Variants in REEP2 observed in about 807,000 individuals in gnomAD.
REEP2 encodes receptor accessory protein 2.
Under a neutral mutation model 32.1 loss-of-function variants are expected in REEP2, and 9 were observed. The observed-to-expected ratio is 0.28, with a 90% CI of 0.17 to 0.49. REEP2 has a LOEUF of 0.49. Ranked by LOEUF, REEP2 falls within the 20% of genes least tolerant of loss-of-function variation. The pLI is 0.99. For missense variants in REEP2, 236 were observed against 338.0 expected, an observed-to-expected ratio of 0.70 and a Z score of 2.37; for synonymous variants, 128 against 139.1, an observed-to-expected ratio of 0.92 and a Z score of 0.56.
At chr5:138,442,438 T>C (rs1245858303) in intron 3 of REEP2, among the ~76,000 whole-genome samples, 2 of 151,818 alleles carry the variant, frequency 1.3e-5, no homozygotes, top group African/African-American at 2.4e-5. Context: ...AAAGGCCGGG[T>C]GTGGTGGCTC....
Position 138,445,585 on chromosome 5 carries a change from C to T in REEP2, c.683C>T (p.Ala228Val), listed in dbSNP as rs145269051. Residue 228 changes from alanine (A) to valine (V), a missense_variant, in exon 7 of 8, where the codon GCG becomes GTG. By Grantham distance (64) the Ala-to-Val change is moderately conservative. Coordinates refer to ENST00000378339, the MANE Select transcript of REEP2 (RefSeq NM_001271803.2). The stretch of plus-strand genomic sequence containing the variant: ...AAGAGGGCCAAACCCATCAAAAAAG[C>T]GCCCAAAGCTGAGGTGAGGGCACTG... Reference protein sequence around the residue: ...APKRAKPIKKAPKAEPLASKT... With the variant: ...APKRAKPIKKVPKAEPLASKT... 212 of 1,614,190 alleles carry T rather than the reference C, an allele frequency of 1.3e-4. 1 individual carries two copies. Among genetic ancestry groups the T allele is most frequent in the Middle Eastern group, 9.9e-4 (6 of 6,060 alleles).
chr5:138,445,666 C>G lies in REEP2; in HGVS notation c.697-17C>G. ...GCGGCTCCAGGCTGAGCCCCATCTTCCTCCTTCTTTCCACAGCCACTGGCT... is the reference window on the plus strand; with the variant it reads ...GCGGCTCCAGGCTGAGCCCCATCTTGCTCCTTCTTTCCACAGCCACTGGCT... On this transcript the variant is annotated splice_polypyrimidine_tract_variant and intron_variant, in intron 7 of 7. Coordinates refer to ENST00000378339, the MANE Select transcript of REEP2 (RefSeq NM_001271803.2). 6.2e-7 allele frequency: 1 copy of G among 1,614,164 alleles called. No homozygotes were observed.
chr5:138,439,230 C>T lies in REEP2; in HGVS notation c.22C>T (p.Arg8Cys). The change falls in exon 1 of 8, where the codon CGC becomes TGC. Residue 8 changes from arginine to cysteine, a missense_variant. Coordinates refer to ENST00000378339, the MANE Select transcript of REEP2 (RefSeq NM_001271803.2). MVSWIIS[R>C]LVVLIFGTLY... ...CGCCATGGTGTCCTGGATCATCTCT[C>T]GCCTGGTGGTGTGAGTGCGGCGGCG... The T allele has an allele frequency of 7.0e-7, 1 of 1,429,168 alleles. No individual in the cohort carries two copies. Among genetic ancestry groups the T allele is most frequent in the Non-Finnish European group, 9.1e-7 (1 of 1,095,360 alleles). 88.5% of individuals were successfully genotyped at this position (1,429,168 alleles called of 1,614,324 possible).
At chr5:138,444,363 G>A in intron 3 of REEP2, 52 bp from the exon 4 acceptor site, 1 of 1,592,156 alleles carries the variant, frequency 6.3e-7, no homozygotes, top group Non-Finnish European at 8.6e-7. Context: ...CTGGACACAG[G>A]GCACCTCCCA....
chr5:138,441,548 G>A lies in REEP2; in HGVS notation c.182+87G>A. 1 of 1,148,008 alleles carries A rather than the reference G, an allele frequency of 8.7e-7. No homozygotes were observed. The highest frequency in any genetic ancestry group is 2.4e-5 in the East Asian group (1 of 42,268). The allele number at this position is 1,148,008 out of a possible 1,614,324, so 71.1% of individuals were successfully genotyped here. On this transcript the variant is annotated intron_variant, in intron 3 of 7. Transcript: ENST00000378339. The surrounding 1 kb of genome is among the most constrained non-coding windows in gnomAD (Gnocchi z 4.4). ...CCAGCCAAACAAAAGACTGGGCCTG[G>A]GGGTGAAGCTCCTCCCATTCCTGAC...
chr5:138,445,002 C>T (rs1308866303), intron 5 of REEP2, 135 bp downstream of exon 5: 4 of 769,656 alleles, frequency 5.2e-6, no homozygotes, highest in South Asian at 1.8e-5. Flanking sequence ...CCAGTCCAGG[C>T]TCTACTGCTA....
At chr5:138,444,925 C>T (rs1763897371) in intron 5 of REEP2, 58 bp downstream of exon 5, 6 of 1,309,636 alleles carry the variant, frequency 4.6e-6, no homozygotes, top group Non-Finnish European at 5.3e-6. Flanking sequence ...AGGGCCCTGG[C>T]CAGGCCCCTT....
In REEP2 at chr5:138,445,744, C is replaced by A; in HGVS notation, c.758C>A (p.Ser253Ter). 1.9e-6 allele frequency: 3 copies of A among 1,613,870 alleles called. No individual in the cohort carries two copies. The highest frequency in any genetic ancestry group is 1.7e-6 in the Non-Finnish European group (2 of 1,179,936). Reference protein sequence around the residue: ...PKKKTSGGGDSA With the variant: ...PKKKTSGGGD ...AAGAAGACCTCTGGCGGGGGCGACT[C>A]AGCTTGAGCCCCTCCACCCCCGCAG... Residue 253 changes from serine to a stop codon, truncating the protein, a stop_gained, in exon 8 of 8, where the codon TCA (serine) becomes TAA (stop). Coordinates refer to ENST00000378339, the MANE Select transcript of REEP2 (RefSeq NM_001271803.2). LOFTEE classifies it high-confidence loss of function.
At chr5:138,440,037 G>A (rs1445527523) in intron 1 of REEP2, among the ~76,000 whole-genome samples, 1 of 152,212 alleles carries the variant, frequency 6.6e-6, no homozygotes, top group East Asian at 1.9e-4. Flanking sequence ...TGCACCAGCC[G>A]GTTTGGAAGT....
At position 138,444,461 on chromosome 5, in the gene REEP2, C is replaced by T. The variant is rs774053566; in HGVS notation, c.229C>T (p.Leu77=). 6.2e-7 allele frequency: 1 copy of T among 1,613,958 alleles called. No homozygotes were observed. ...ELKIAFVIWL[L]SPYTKGSSVL... Reference sequence around the variant, plus strand: ...GAAGATCGCCTTCGTGATATGGCTGCTGTCCCCTTACACCAAGGGCTCCAG... The same window carrying T: ...GAAGATCGCCTTCGTGATATGGCTGTTGTCCCCTTACACCAAGGGCTCCAG... The change falls in exon 4 of 8, where the codon CTG becomes TTG. Residue 77 remains leucine, a synonymous_variant. Coordinates refer to ENST00000378339, the MANE Select transcript of REEP2 (RefSeq NM_001271803.2).
chr5:138,440,374 G>A (rs1376190173), intron 1 of REEP2, among the ~76,000 whole-genome samples: 1 of 152,250 alleles, frequency 6.6e-6, no homozygotes, highest in Non-Finnish European at 1.5e-5. Context: ...GCCCCAAAGG[G>A]CATCGGTCCT....
In REEP2 at chr5:138,441,937, C is replaced by G. The variant is rs1017203028; in HGVS notation, c.182+476C>G. On this transcript the variant is annotated intron_variant, in intron 3 of 7. Transcript: ENST00000378339. The surrounding 1 kb of genome is among the most constrained non-coding windows in gnomAD (Gnocchi z 4.4). ...GTGAGACTCCGTCTCAAAAAAAAAA[C>G]AAACAAACAAGGAGTAAGAACAAAC... 6.6e-6 allele frequency among the ~76,000 whole-genome samples: 1 copy of G among 151,358 alleles called. No homozygotes were observed. Among genetic ancestry groups the G allele is most frequent in the African/African-American group, 2.4e-5 (1 of 41,244 alleles).
Position 138,441,287 on chromosome 5 carries a change from T to C in REEP2, c.106-98T>C. On this transcript the variant is annotated intron_variant, in intron 2 of 7. Transcript: ENST00000378339. The surrounding 1 kb of genome is among the most constrained non-coding windows in gnomAD (Gnocchi z 4.4). ...GGCAGAAGTGGGGTCCTTGGTGTTC[T>C]CCCCAGCCCAGGCATGTTCAACAGG... The C allele has an allele frequency of 7.6e-7, 1 of 1,320,554 alleles. No individual in the cohort carries two copies. The highest frequency in any genetic ancestry group is 1.1e-6 in the Non-Finnish European group (1 of 915,026). The allele number at this position is 1,320,554 out of a possible 1,614,324, so 81.8% of individuals were successfully genotyped here. A position where few individuals can be genotyped will look rare whatever the true frequency, so the allele number is the denominator to read the frequency against.
Position 138,441,486 on chromosome 5 carries a change from A to T in REEP2, c.182+25A>T. ...GGTGAGGTCCAGCGTCCCCTCCTGTATCTCAGGGCCCAGGGCCTCTGCCTT... is the reference window on the plus strand; with the variant it reads ...GGTGAGGTCCAGCGTCCCCTCCTGTTTCTCAGGGCCCAGGGCCTCTGCCTT... On this transcript the variant is annotated intron_variant, in intron 3 of 7. Coordinates refer to ENST00000378339, the MANE Select transcript of REEP2 (RefSeq NM_001271803.2). This position sits in a 1 kb window ranked among gnomAD's most constrained non-coding sequence, Gnocchi z 4.4. The T allele has an allele frequency of 6.2e-7, 1 of 1,603,016 alleles. No individual in the cohort carries two copies.
At chr5:138,440,233 G>A (rs1235186753) in intron 1 of REEP2, among the ~76,000 whole-genome samples, 8 of 152,186 alleles carry the variant, frequency 5.3e-5, no homozygotes, top group Non-Finnish European at 4.4e-5. Context: ...CGGTACAGCC[G>A]GGCCGGCCAA....
chr5:138,439,356 C>A, intron 1 of REEP2, 116 bp downstream of exon 1: 1 of 1,110,452 alleles, frequency 9.0e-7, no homozygotes, highest in Non-Finnish European at 1.3e-6. Context: ...GCGCTGCGTC[C>A]TTATTTGGGG....
intron 1 of REEP2, 165 bp from the exon 2 acceptor site, chr5:138,440,851 G>A (rs1763810741): frequency 7.4e-7 from 1 of 1,350,046 alleles, no homozygotes; most frequent in Non-Finnish European, 9.9e-7. Flanking sequence ...TACCTGGCTG[G>A]GCATGTTCCA....
intron 1 of REEP2, 55 bp from the exon 2 acceptor site, chr5:138,440,960 AG>A: frequency 1.2e-6 from 2 of 1,605,998 alleles, no homozygotes; most frequent in Non-Finnish European, 1.7e-6. Flanking sequence ...CGGAGCTGGG[AG>A]GGAGAGGCCA....
At chr5:138,445,635 G>C (rs753426161) in intron 7 of REEP2, 37 bp downstream of exon 7, 1 of 1,614,142 alleles carries the variant, frequency 6.2e-7, no homozygotes, top group South Asian at 1.1e-5. Context: ...AAACAGGCAG[G>C]GGGTGGCGGC....
Sources: allele counts gnomAD v4.1 joint callset (sites outside exome capture counted in the v4.1 genomes callset), GRCh38; gene constraint gnomAD v4.1.1; non-coding constraint Gnocchi (gnomAD v3.1); transcripts MANE v1.5; gene names NCBI Gene and HGNC (gene_info 2026-07-23, HGNC 2026-07-21).